The following COX4I1 variants were observed in gnomAD, a reference collection of about 807,000 sequenced individuals.
The protein encoded by COX4I1 is cytochrome c oxidase subunit 4 isoform 1, mitochondrial.
In COX4I1, 18 loss-of-function variants were observed where a neutral mutation model predicts 21.7. That is an observed-to-expected ratio of 0.83 (90% CI 0.57 to 1.23). COX4I1 has a LOEUF of 1.23. Ranked by LOEUF, COX4I1 falls within the 50% of genes most tolerant of loss-of-function variation. The pLI is 0.00. For synonymous variants in COX4I1, 100 were observed against 81.5 expected, an observed-to-expected ratio of 1.23 and a Z score of -1.23; for missense variants, 238 against 220.7, an observed-to-expected ratio of 1.08 and a Z score of -0.50.
intron 2 of COX4I1, chr16:85,803,188 C>T (rs77545028): frequency 6.6e-6 from 1 of 152,058 alleles, no homozygotes; most frequent in Non-Finnish European, 1.5e-5. Context: ...TACAAGTGTT[C>T]TTTATAGTTC....
chr16:85,807,029 A>T lies in COX4I1; in HGVS notation c.*155A>T. ...CCTTTGTGATCAGTTCTTTAATGAT[A>T]CCTAAATGAAAGCTAATTAAAACAA... On this transcript the variant is annotated 3_prime_UTR_variant, in exon 5 of 5. Coordinates refer to ENST00000253452, the MANE Select transcript of COX4I1 (RefSeq NM_001861.6). 5.5e-6 allele frequency: 4 copies of T among 725,942 alleles called. No homozygotes were observed. The highest frequency in any genetic ancestry group is 8.8e-6 in the Non-Finnish European group (4 of 454,054). 45.0% of individuals were successfully genotyped at this position (725,942 alleles called of 1,614,324 possible). A position where few individuals can be genotyped will look rare whatever the true frequency, so the allele number is the denominator to read the frequency against.
intron 3 of COX4I1, 46 bp from the exon 4 acceptor site, chr16:85,805,687 G>A (rs368729667): frequency 4.4e-6 from 7 of 1,607,622 alleles, no homozygotes; most frequent in Admixed American, 1.7e-5. Context: ...AGAGGAGGGA[G>A]CTGCTGACCT....
Position 85,806,835 on chromosome 16 carries a change from C to T in COX4I1, c.471C>T (p.Ala157=). 6.2e-7 allele frequency: 1 copy of T among 1,614,172 alleles called. No homozygotes were observed. The highest frequency in any genetic ancestry group is 8.5e-7 in the Non-Finnish European group (1 of 1,180,006). The change falls in exon 5 of 5, where the codon GCC becomes GCT. Residue 157 remains alanine (A), a synonymous_variant. Transcript: ENST00000253452. The part of the protein sequence containing the change: ...DMKVNPIQGL[A]SKWDYEKNEW... ...AGGTGAACCCCATCCAGGGCTTAGCCTCCAAGTGGGACTACGAAAAGAACG... is the reference window on the plus strand; with the variant it reads ...AGGTGAACCCCATCCAGGGCTTAGCTTCCAAGTGGGACTACGAAAAGAACG...
intron 2 of COX4I1, among the ~76,000 whole-genome samples, chr16:85,802,522 A>C (rs567265710): frequency 3.2e-4 from 46 of 141,654 alleles, no homozygotes; most frequent in African/African-American, 1.2e-3. Flanking sequence ...TACGTAAGTC[A>C]TACATGAATA....
rs1906165199 is a variant in COX4I1 at position 85,805,924 on chromosome 16, A to G, written c.373+60A>G. On this transcript the variant is annotated intron_variant, in intron 4 of 4. Transcript: ENST00000253452. ...ACTGGGGCTCCAGCCTGCAGTGCCC[A>G]TTGGTGGGCTGTCGGGGACCTCCAT... 7 of 1,606,876 alleles carry G rather than the reference A, an allele frequency of 4.4e-6. No homozygotes were observed. The South Asian group carries it at 6.6e-5, about 15-fold the overall frequency.
At position 85,806,964 on chromosome 16, in the gene COX4I1, A is replaced by C. The variant is rs1906265877; in HGVS notation, c.*90A>C. ...TTACTGGAAACCTGTTATGCCAAAC[A>C]GTTGTACCACTGCTAATAAATGACC... On this transcript the variant is annotated 3_prime_UTR_variant, in exon 5 of 5. Coordinates refer to ENST00000253452, the MANE Select transcript of COX4I1 (RefSeq NM_001861.6). The C allele has an allele frequency of 7.1e-7, 1 of 1,404,400 alleles. No homozygotes were observed. The highest frequency in any genetic ancestry group is 2.0e-5 in the Admixed American group (1 of 50,206). The allele number at this position is 1,404,400 out of a possible 1,614,324, so 87.0% of individuals were successfully genotyped here. A position where few individuals can be genotyped will look rare whatever the true frequency, so the allele number is the denominator to read the frequency against.
In COX4I1 at chr16:85,807,024, A is replaced by G. The variant is rs1294153008; in HGVS notation, c.*150A>G. ...GAAACCCTTTGTGATCAGTTCTTTA[A>G]TGATACCTAAATGAAAGCTAATTAA... is the stretch of plus-strand genomic sequence containing the variant. On this transcript the variant is annotated 3_prime_UTR_variant, in exon 5 of 5. Coordinates refer to ENST00000253452, the MANE Select transcript of COX4I1 (RefSeq NM_001861.6). The G allele has an allele frequency of 4.0e-6, 3 of 748,402 alleles. No individual in the cohort carries two copies. The highest frequency in any genetic ancestry group is 1.8e-5 in the African/African-American group (1 of 56,632). The allele number at this position is 748,402 out of a possible 1,614,324, so 46.4% of individuals were successfully genotyped here. A position where few individuals can be genotyped will look rare whatever the true frequency, so the allele number is the denominator to read the frequency against.
At chr16:85,800,731 C>T (rs1050440728) in intron 1 of COX4I1, among the ~76,000 whole-genome samples, 2 of 152,136 alleles carry the variant, frequency 1.3e-5, no homozygotes, top group African/African-American at 4.8e-5. Flanking sequence ...TCAAGCGATT[C>T]TTCTACCTCA....
intron 4 of COX4I1, chr16:85,806,115 A>T: frequency 1.7e-6 from 1 of 593,728 alleles, no homozygotes; most frequent in Non-Finnish European, 3.0e-6. Context: ...ACTACTTTGT[A>T]CAGCACACCA....
At chr16:85,806,488 A>G (rs1181390926) in intron 4 of COX4I1, 1 of 707,560 alleles carries the variant, frequency 1.4e-6, no homozygotes, top group Middle Eastern at 2.3e-4. Flanking sequence ...AGATCCTGTT[A>G]TCCATAGCCT....
intron 2 of COX4I1, among the ~76,000 whole-genome samples, chr16:85,801,538 A>G (rs952100515): frequency 6.6e-6 from 1 of 151,924 alleles, no homozygotes; most frequent in Non-Finnish European, 1.5e-5. Context: ...AAGCTTCGAG[A>G]TCTACCCCTT....
At chr16:85,805,308 C>G in intron 3 of COX4I1, 1 of 577,580 alleles carries the variant, frequency 1.7e-6, no homozygotes, top group Non-Finnish European at 3.0e-6. Flanking sequence ...GGATCTTTTG[C>G]TAGGCCCCCT....
chr16:85,806,672 G>A (rs1190121376), intron 4 of COX4I1, 66 bp from the exon 5 acceptor site: 1 of 1,613,352 alleles, frequency 6.2e-7, no homozygotes. Flanking sequence ...TTTAACCTGT[G>A]TGAGGGATTG....
chr16:85,806,695 C>T (rs748959830), intron 4 of COX4I1, 43 bp from the exon 5 acceptor site: 2 of 1,613,912 alleles, frequency 1.2e-6, no homozygotes, highest in African/African-American at 2.7e-5. Flanking sequence ...CTAGAAACAA[C>T]CTGTTGAGAT....
At chr16:85,804,675 T>G (rs541375905) in intron 2 of COX4I1, 18 of 349,618 alleles carry the variant, frequency 5.1e-5, no homozygotes, top group South Asian at 4.5e-4. Context: ...ACTGTTAATG[T>G]AGGAAGTGCT....
In COX4I1 at chr16:85,801,165, G is replaced by A. The variant is rs756131951; in HGVS notation, c.-1-40G>A. The A allele has an allele frequency of 3.3e-6, 5 of 1,537,040 alleles. No homozygotes were observed. In the Admixed American group the frequency reaches 8.6e-5, roughly 26 times the overall value. Reference sequence around the variant, plus strand: ...AAAGAAGACTAATTCCTTGCTGTTTGTCCTTATTCATAGAGAAGGTGTACA... The same window carrying A: ...AAAGAAGACTAATTCCTTGCTGTTTATCCTTATTCATAGAGAAGGTGTACA... On this transcript the variant is annotated intron_variant, in intron 1 of 4. Transcript: ENST00000253452.
intron 2 of COX4I1, among the ~76,000 whole-genome samples, chr16:85,802,419 C>T (rs1013600283): frequency 1.3e-5 from 2 of 152,224 alleles, no homozygotes; most frequent in Non-Finnish European, 2.9e-5. Flanking sequence ...GGGAGCCTGC[C>T]TGTCTTACTC....
intron 3 of COX4I1, 196 bp downstream of exon 3, chr16:85,805,300 A>G: frequency 1.7e-6 from 1 of 587,928 alleles, no homozygotes; most frequent in Non-Finnish European, 2.9e-6. Flanking sequence ...AGCTGACAGG[A>G]TCTTTTGCTA....
At chr16:85,804,836 C>T in intron 2 of COX4I1, 101 bp from the exon 3 acceptor site, 1 of 1,042,320 alleles carries the variant, frequency 9.6e-7, no homozygotes, top group African/African-American at 1.6e-5. Flanking sequence ...TCCAGGGTTT[C>T]AAGGCGTGCA....
Sources: allele counts gnomAD v4.1 joint callset (sites outside exome capture counted in the v4.1 genomes callset), GRCh38; gene constraint gnomAD v4.1.1; transcripts MANE v1.5; gene names NCBI Gene and HGNC (gene_info 2026-07-23, HGNC 2026-07-21).